LRRC4C: variants seen among roughly 807,000 people sequenced by gnomAD.
LRRC4C encodes the protein leucine rich repeat containing 4C.
A neutral mutation model predicts 33.6 loss-of-function variants in LRRC4C; 5 were observed. That is an observed-to-expected ratio of 0.15 (90% confidence interval 0.08 to 0.31). LRRC4C has a LOEUF of 0.31. LRRC4C is among the 10% of genes least tolerant of loss of function. The pLI is 1.00. For missense variants in LRRC4C, 560 were observed against 796.7 expected (o/e 0.70, Z 3.58); for synonymous variants, 329 against 302.0 (o/e 1.09, Z -0.93).
chr11:41,209,096 G>A (rs570037022), intron 1 of LRRC4C, among the ~76,000 whole-genome samples: 1 of 151,654 alleles, frequency 6.6e-6, no homozygotes, highest in East Asian at 1.9e-4. Flanking sequence ...AAACCCGTTA[G>A]GTACTAAGCA....
chr11:40,402,961 G>T lies in LRRC4C; in HGVS notation c.-269-83240C>A, dbSNP rs545890735. Among the ~76,000 whole-genome samples the T allele has an allele frequency of 4.0e-4, 61 of 152,118 alleles. 1 individual carries two copies. In the South Asian group the frequency reaches 0.011, roughly 27 times the overall value. On this transcript the variant is annotated intron_variant, in intron 3 of 6. Coordinates refer to ENST00000528697, the MANE Select transcript of LRRC4C (RefSeq NM_001258419.2). ...ATAATGTTGTTCATGCAAACTTCTTGCCTTTTAGAGATAATTAATCTATTC... is the reference window on the plus strand; with the variant it reads ...ATAATGTTGTTCATGCAAACTTCTTTCCTTTTAGAGATAATTAATCTATTC...
chr11:40,466,350 C>T (rs1273824336), intron 3 of LRRC4C, among the ~76,000 whole-genome samples: 3 of 151,944 alleles, frequency 2.0e-5, no homozygotes, highest in Non-Finnish European at 2.9e-5. Context: ...CAATACAAGA[C>T]TAGACTTGAC....
At chr11:40,890,768 GTCATAACATACT>G (rs1955665881) in intron 2 of LRRC4C, among the ~76,000 whole-genome samples, 1 of 151,862 alleles carries the variant, frequency 6.6e-6, no homozygotes, top group Admixed American at 6.6e-5. Context: ...CATTAAGTAT[GTCATAACATACT>G]TAATCCCCAA....
chr11:41,113,919 A>C (rs1412731803), intron 1 of LRRC4C, among the ~76,000 whole-genome samples: 1 of 152,068 alleles, frequency 6.6e-6, no homozygotes, highest in Non-Finnish European at 1.5e-5. Context: ...TATTAGAAGC[A>C]CCATGAGAAC....
chr11:41,118,338 C>G (rs1942246177), intron 1 of LRRC4C, among the ~76,000 whole-genome samples: 1 of 152,092 alleles, frequency 6.6e-6, no homozygotes, highest in African/African-American at 2.4e-5. Context: ...TGTCAGACAT[C>G]CAACATACTG....
chr11:40,259,849 A>G (rs1867546532), intron 4 of LRRC4C, among the ~76,000 whole-genome samples: 3 of 152,118 alleles, frequency 2.0e-5, no homozygotes, highest in South Asian at 4.1e-4. Context: ...CAAAACCACA[A>G]TGAGATACCA....
chr11:40,293,817 C>G (rs932516437), intron 4 of LRRC4C: 2 of 152,232 alleles, frequency 1.3e-5, no homozygotes, highest in African/African-American at 4.8e-5. Context: ...CGAGGAGACG[C>G]GTTCTCGGGA....
At chr11:40,810,094 T>C (rs1269690333) in intron 2 of LRRC4C, among the ~76,000 whole-genome samples, 2 of 152,214 alleles carry the variant, frequency 1.3e-5, no homozygotes, top group Non-Finnish European at 2.9e-5. Context: ...TTGTTTGTTT[T>C]TTTATTAGAC....
chr11:41,037,808 T>A (rs2137923543), intron 1 of LRRC4C, among the ~76,000 whole-genome samples: 1 of 152,264 alleles, frequency 6.6e-6, no homozygotes, highest in South Asian at 2.1e-4. Flanking sequence ...CTCTAATCTA[T>A]CCAGTTAGGT....
intron 4 of LRRC4C, among the ~76,000 whole-genome samples, chr11:40,277,539 A>C (rs189052577): frequency 6.6e-6 from 1 of 152,184 alleles, no homozygotes; most frequent in Non-Finnish European, 1.5e-5. Context: ...TATTTCTTTA[A>C]ACTAAAAGAA....
At chr11:40,485,393 T>C (rs1953805767) in intron 3 of LRRC4C, among the ~76,000 whole-genome samples, 1 of 151,950 alleles carries the variant, frequency 6.6e-6, no homozygotes, top group South Asian at 2.1e-4. Flanking sequence ...CTTTCATATA[T>C]TAGAGTTACA....
intron 1 of LRRC4C, among the ~76,000 whole-genome samples, chr11:41,024,951 C>T (rs1856239811): frequency 6.6e-6 from 1 of 151,494 alleles, no homozygotes; most frequent in South Asian, 2.1e-4. Context: ...TTATGGTGAT[C>T]TGGGACCAAT....
intron 1 of LRRC4C, among the ~76,000 whole-genome samples, chr11:41,328,591 T>G (rs1951196563): frequency 6.6e-6 from 1 of 152,188 alleles, no homozygotes; most frequent in South Asian, 2.1e-4. Flanking sequence ...GAGTTAGTTC[T>G]CTTCGTAGGC....
chr11:41,250,857 G>A (rs1032505721), intron 1 of LRRC4C, among the ~76,000 whole-genome samples: 2 of 152,132 alleles, frequency 1.3e-5, no homozygotes, highest in Non-Finnish European at 2.9e-5. Context: ...AGCTTAAGAT[G>A]TACTAACTTT....
At chr11:40,452,291 G>A (rs1590784563) in intron 3 of LRRC4C, among the ~76,000 whole-genome samples, 1 of 151,908 alleles carries the variant, frequency 6.6e-6, no homozygotes, top group African/African-American at 2.4e-5. Flanking sequence ...TCTGACAAAG[G>A]GCTAATATCC....
intron 1 of LRRC4C, among the ~76,000 whole-genome samples, chr11:41,094,467 T>G (rs977634091): frequency 2.0e-5 from 3 of 150,788 alleles, no homozygotes; most frequent in African/African-American, 4.9e-5. Flanking sequence ...GAGCTTACAG[T>G]GAGCCGAGAT....
intron 3 of LRRC4C, among the ~76,000 whole-genome samples, chr11:40,639,879 T>C (rs1464834746): frequency 6.6e-6 from 1 of 152,178 alleles, no homozygotes; most frequent in Non-Finnish European, 1.5e-5. Flanking sequence ...GCCAATGTTA[T>C]GATTGTTTCA....
chr11:41,273,520 C>T (rs563910262), intron 1 of LRRC4C, among the ~76,000 whole-genome samples: 79 of 152,246 alleles, frequency 5.2e-4, no homozygotes, highest in South Asian at 3.9e-3. Flanking sequence ...TACAATTCCA[C>T]TTACGTGACA....
intron 4 of LRRC4C, among the ~76,000 whole-genome samples, chr11:40,285,778 C>G (rs1943794296): frequency 6.6e-6 from 1 of 152,114 alleles, no homozygotes; most frequent in African/African-American, 2.4e-5. Flanking sequence ...GATTGAGTAC[C>G]TGGTTACATA....
Sources: gnomAD v4.1 joint callset for allele counts (sites outside exome capture counted in the v4.1 genomes callset) on GRCh38, gnomAD v4.1.1 for gene constraint, MANE v1.5 for transcripts, NCBI Gene and HGNC (gene_info 2026-07-23, HGNC 2026-07-21) for gene names.